Variants in RBBP6 observed in about 807,000 individuals in gnomAD.
RBBP6 encodes E3 ubiquitin-protein ligase RBBP6.
In RBBP6, 25 loss-of-function variants were observed where a neutral mutation model predicts 167.7. That is an observed-to-expected ratio of 0.15 (90% CI 0.11 to 0.21). RBBP6 has a LOEUF of 0.21. Among genes scored for constraint, RBBP6 ranks in the 10% least tolerant of loss-of-function variants. The pLI is 1.00. For synonymous variants in RBBP6, 789 were observed against 735.8 expected (o/e 1.07, Z -1.17); for missense variants, 1,868 against 2,134.2 (o/e 0.88, Z 2.46).
At chr16:24,556,227 A>G in intron 6 of RBBP6, 81 bp from the exon 7 acceptor site, 1 of 1,140,748 alleles carries the variant, frequency 8.8e-7, no homozygotes, top group Non-Finnish European at 1.3e-6. Flanking sequence ...TATAGTAAGC[A>G]CTGTATAACA....
At position 24,568,778 on chromosome 16, in the gene RBBP6, A is replaced by G. The variant is rs1419521065; in HGVS notation, c.2088A>G (p.Ser696=). The G allele has an allele frequency of 1.2e-6, 2 of 1,614,084 alleles. No homozygotes were observed. Among genetic ancestry groups the G allele is most frequent in the Non-Finnish European group, 8.5e-7 (1 of 1,179,968 alleles). The stretch of plus-strand genomic sequence containing the variant: ...CTCCCTATAGTGGTTCTTCGTATTC[A>G]AGAAGTTCATATACTTATTCTAAAT... The part of the protein sequence containing the change: ...SKSPYSGSSY[S]RSSYTYSKSR... The change falls in exon 17 of 18, where the codon TCA becomes TCG. Residue 696 remains serine, a synonymous_variant. Transcript: ENST00000319715.
chr16:24,561,538 A>G (rs2141471259), intron 8 of RBBP6, 74 bp from the exon 9 acceptor site: 1 of 1,247,550 alleles, frequency 8.0e-7, no homozygotes, highest in East Asian at 2.3e-5. Context: ...AATGTGGACC[A>G]TCCTTTTAAT....
intron 1 of RBBP6, among the ~76,000 whole-genome samples, chr16:24,544,287 C>A (rs1898579091): frequency 6.6e-6 from 1 of 152,068 alleles, no homozygotes; most frequent in African/African-American, 2.4e-5. Context: ...TCAAAGCTTC[C>A]TCGGAATTTG....
At chr16:24,570,741 G>A (rs1899306330) in intron 17 of RBBP6, 135 bp from the exon 18 acceptor site, 1 of 857,464 alleles carries the variant, frequency 1.2e-6, no homozygotes, top group Non-Finnish European at 1.7e-6. Context: ...GTCTTCCTTA[G>A]GGCAGAATAA....
At chr16:24,560,178 C>T (rs1302975704) in intron 8 of RBBP6, among the ~76,000 whole-genome samples, 1 of 146,448 alleles carries the variant, frequency 6.8e-6, no homozygotes, top group African/African-American at 2.6e-5. Flanking sequence ...GGTGTAATCT[C>T]GGCTCACTGC....
chr16:24,561,177 A>G (rs1899045222), intron 8 of RBBP6, among the ~76,000 whole-genome samples: 2 of 152,022 alleles, frequency 1.3e-5, no homozygotes, highest in African/African-American at 2.4e-5. Flanking sequence ...TTTGTTTTCT[A>G]CAATATTCCA....
rs754515585 is a variant in RBBP6 at position 24,561,995 on chromosome 16, T to G, written c.1123T>G (p.Ser375Ala). 8.1e-6 allele frequency: 13 copies of G among 1,613,854 alleles called. No individual in the cohort carries two copies. The highest frequency in any genetic ancestry group is 1.0e-5 in the Non-Finnish European group (12 of 1,179,808). The part of the protein sequence containing the change: ...QQDPLMIPVT[S>A]SSTHPAPSIS... ...AGATCCTCTTATGATTCCAGTGACA[T>G]CTTCATCAACTCACCCAGCTCCGTC... Residue 375 changes from serine to alanine, a missense_variant, in exon 10 of 18, where the codon TCT (serine) becomes GCT (alanine). Coordinates refer to ENST00000319715, the MANE Select transcript of RBBP6 (RefSeq NM_006910.5).
At chr16:24,548,845 G>T (rs1898729168) in intron 2 of RBBP6, 100 bp from the exon 3 acceptor site, 3 of 956,900 alleles carry the variant, frequency 3.1e-6, no homozygotes, top group Non-Finnish European at 4.6e-6. Flanking sequence ...GGAAAATTAG[G>T]TTCCTAAAAA....
chr16:24,564,987 C>T (rs1179246720), intron 14 of RBBP6, 122 bp downstream of exon 14: 8 of 1,424,136 alleles, frequency 5.6e-6, no homozygotes, highest in Non-Finnish European at 6.4e-6. Context: ...TTGTGCTTAT[C>T]CCTCTTAAGT....
At chr16:24,564,226 A>G (rs1899140380) in intron 13 of RBBP6, among the ~76,000 whole-genome samples, 4 of 152,186 alleles carry the variant, frequency 2.6e-5, no homozygotes, top group Non-Finnish European at 5.9e-5. Flanking sequence ...TTAGTTATAT[A>G]ATTATTTCTG....
chr16:24,563,859 T>C (rs911073649), intron 13 of RBBP6, among the ~76,000 whole-genome samples, 195 bp downstream of exon 13: 5 of 151,938 alleles, frequency 3.3e-5, no homozygotes, highest in African/African-American at 1.2e-4. Flanking sequence ...GGGTTTTTTT[T>C]AAATGAGCAA....
chr16:24,552,803 G>C (rs1243198715), intron 3 of RBBP6, among the ~76,000 whole-genome samples: 1 of 151,594 alleles, frequency 6.6e-6, no homozygotes, highest in East Asian at 1.9e-4. Context: ...CTTTTTTAAA[G>C]CCCTCTTATA....
At chr16:24,558,058 T>C (rs1898961160) in intron 7 of RBBP6, among the ~76,000 whole-genome samples, 1 of 152,224 alleles carries the variant, frequency 6.6e-6, no homozygotes, top group South Asian at 2.1e-4. Context: ...TCATAGATGT[T>C]TCCAAATAAC....
chr16:24,568,785 T>G lies in RBBP6; in HGVS notation c.2095T>G (p.Ser699Ala). The G allele has an allele frequency of 6.2e-7, 1 of 1,614,232 alleles. No individual in the cohort carries two copies. The highest frequency in any genetic ancestry group is 8.5e-7 in the Non-Finnish European group (1 of 1,180,040). The change falls in exon 17 of 18, where the codon TCA (serine) becomes GCA (alanine). Residue 699 changes from serine to alanine, a missense_variant. Coordinates refer to ENST00000319715, the MANE Select transcript of RBBP6 (RefSeq NM_006910.5). ...PYSGSSYSRS[S>A]YTYSKSRSGS... is the part of the protein sequence containing the mutation. ...TAGTGGTTCTTCGTATTCAAGAAGTTCATATACTTATTCTAAATCAAGATC... is the reference window on the plus strand; with the variant it reads ...TAGTGGTTCTTCGTATTCAAGAAGTGCATATACTTATTCTAAATCAAGATC...
chr16:24,568,666 G>A (rs1899250219), intron 16 of RBBP6, 79 bp from the exon 17 acceptor site: 1 of 1,488,158 alleles, frequency 6.7e-7, no homozygotes, highest in South Asian at 1.4e-5. Context: ...CGTGAGGAAA[G>A]AATGCTAGAA....
chr16:24,548,116 C>A (rs1898705159), intron 2 of RBBP6, among the ~76,000 whole-genome samples: 1 of 151,948 alleles, frequency 6.6e-6, no homozygotes, highest in African/African-American at 2.4e-5. Flanking sequence ...AGTCAAGATA[C>A]CTTAAACTTT....
rs1438985634 is a variant in RBBP6, at chr16:24,567,213, C to G, written c.1660C>G (p.Pro554Ala). 1.2e-6 allele frequency: 2 copies of G among 1,613,914 alleles called. No individual in the cohort carries two copies. Among genetic ancestry groups the G allele is most frequent in the African/African-American group, 1.3e-5 (1 of 74,928 alleles). The change falls in exon 15 of 18, where the codon CCA becomes GCA. Residue 554 changes from proline (P) to alanine (A), a missense_variant. Pro to Ala is a conservative substitution (Grantham distance 27, BLOSUM62 -1). This residue lies in a region of RBBP6 where 145 missense variants were observed against 224.3 expected (regional missense o/e 0.65). Coordinates refer to ENST00000319715, the MANE Select transcript of RBBP6 (RefSeq NM_006910.5). ...RTQGPSLPAT[P>A]VFVPVPPPPL... The stretch of plus-strand genomic sequence containing the variant: ...TCAAGGCCCGTCACTACCAGCAACT[C>G]CAGTCTTTGTACCTGTTCCACCACC...
chr16:24,568,400 G>A (rs1899243893), intron 16 of RBBP6, among the ~76,000 whole-genome samples: 1 of 152,216 alleles, frequency 6.6e-6, no homozygotes, highest in African/African-American at 2.4e-5. Context: ...CTGTTGGCCA[G>A]TATAGGACAA....
intron 7 of RBBP6, among the ~76,000 whole-genome samples, 197 bp downstream of exon 7, chr16:24,556,644 T>A (rs1314155582): frequency 1.3e-5 from 2 of 152,218 alleles, no homozygotes; most frequent in Non-Finnish European, 2.9e-5. Flanking sequence ...GATTTGGGGA[T>A]TTTTTGTTAC....
Sources: allele counts gnomAD v4.1 joint callset (sites outside exome capture counted in the v4.1 genomes callset), GRCh38; gene constraint gnomAD v4.1.1; regional missense constraint gnomAD v4.1.1; transcripts MANE v1.5; gene names NCBI Gene and HGNC (gene_info 2026-07-23, HGNC 2026-07-21).